SH3BP5: variants seen among roughly 807,000 people sequenced by gnomAD.
SH3BP5 encodes the protein SH3 domain-binding protein 5.
In SH3BP5, 22 loss-of-function variants were observed where a neutral mutation model predicts 43.3. The ratio of observed to expected loss-of-function variants is 0.51; its 90% CI spans 0.36 to 0.73. The LOEUF (loss-of-function observed/expected upper bound fraction) is 0.73, where lower values mean the gene tolerates loss of function less well. SH3BP5 is among the 30% of genes least tolerant of loss of function. The pLI, the probability that SH3BP5 is intolerant of heterozygous loss-of-function variation, is 0.00. For synonymous variants in SH3BP5, 255 were observed against 225.8 expected (o/e 1.13, Z -1.16); for missense variants, 529 against 586.9 (o/e 0.90, Z 1.02).
chr3:15,284,346 T>C (rs905226434), intron 3 of SH3BP5, among the ~76,000 whole-genome samples: 1 of 152,194 alleles, frequency 6.6e-6, no homozygotes, highest in Non-Finnish European at 1.5e-5. Context: ...CCTCTGCACA[T>C]GTATCCAGCA....
At position 15,327,474 on chromosome 3, in the gene SH3BP5, T is replaced by C. The variant is rs149195903; in HGVS notation, c.201+3030A>G. 2.0e-5 allele frequency among the ~76,000 whole-genome samples: 3 copies of C among 152,222 alleles called. No individual in the cohort carries two copies. The East Asian group carries it at 5.8e-4, about 29-fold the overall frequency. ...ATTTTCCTGCCCCCATCCTTGGGCA[T>C]ACTCCCCTTGACCACCCCAGTGGCT... On this transcript the variant is annotated intron_variant, in intron 2 of 8. Transcript: ENST00000383791.
chr3:15,294,942 C>T (rs1242762025), intron 3 of SH3BP5, among the ~76,000 whole-genome samples: 1 of 152,134 alleles, frequency 6.6e-6, no homozygotes, highest in African/African-American at 2.4e-5. Flanking sequence ...TACCCAAGTT[C>T]ATATCTGCAC....
At chr3:15,286,360 G>T in intron 3 of SH3BP5, among the ~76,000 whole-genome samples, 1 of 152,212 alleles carries the variant, frequency 6.6e-6, no homozygotes, top group East Asian at 1.9e-4. Context: ...ACCTGGTATT[G>T]CCAAGCAAAG....
At chr3:15,267,665 T>C (rs928004303) in intron 4 of SH3BP5, among the ~76,000 whole-genome samples, 2 of 152,142 alleles carry the variant, frequency 1.3e-5, no homozygotes, top group Non-Finnish European at 2.9e-5. Context: ...CCATCTTGTA[T>C]AGCCCCACAG....
upstream of SH3BP5, among the ~76,000 whole-genome samples, chr3:15,335,293 G>T (rs956732326): frequency 6.6e-6 from 1 of 151,998 alleles, no homozygotes; most frequent in Non-Finnish European, 1.5e-5. Flanking sequence ...CAGAAGAATC[G>T]CTTGAACCCA....
At position 15,332,459 on chromosome 3, in the gene SH3BP5, G is replaced by T. The variant is rs1377390029; in HGVS notation, c.-51C>A. ...CAGTGGGCTCCGGAGCGCCCCGGGGGTCGCGGCTGCCACAGGCTGGGCTGG... is the reference window on the plus strand; with the variant it reads ...CAGTGGGCTCCGGAGCGCCCCGGGGTTCGCGGCTGCCACAGGCTGGGCTGG... On this transcript the variant is annotated 5_prime_UTR_variant, in exon 1 of 9. Transcript: ENST00000383791. The T allele has an allele frequency of 6.8e-7, 1 of 1,461,338 alleles. No individual in the cohort carries two copies. The highest frequency in any genetic ancestry group is 1.5e-5 in the African/African-American group (1 of 68,478). 90.5% of individuals were successfully genotyped at this position (1,461,338 alleles called of 1,614,324 possible). A position where few individuals can be genotyped will look rare whatever the true frequency, so the allele number is the denominator to read the frequency against.
At position 15,332,521 on chromosome 3, in the gene SH3BP5, G is replaced by C; in HGVS notation, c.-113C>G. On this transcript the variant is annotated 5_prime_UTR_variant, in exon 1 of 9. Coordinates refer to ENST00000383791, the MANE Select transcript of SH3BP5 (RefSeq NM_004844.5). ...CACAGCCGGGCACGGTCGGGGAGCC[G>C]CCGGGGCCGACACCCGGGAGACGCA... The C allele has an allele frequency of 8.0e-7, 1 of 1,253,838 alleles. No homozygotes were observed. Among genetic ancestry groups the C allele is most frequent in the Non-Finnish European group, 1.0e-6 (1 of 1,002,586 alleles). The allele number at this position is 1,253,838 out of a possible 1,614,324, so 77.7% of individuals were successfully genotyped here.
intron 7 of SH3BP5, among the ~76,000 whole-genome samples, chr3:15,258,337 C>A (rs1559422954): frequency 1.3e-5 from 2 of 152,100 alleles, no homozygotes; most frequent in South Asian, 4.1e-4. Flanking sequence ...CCACCATTTG[C>A]TGAGTGCTTC....
intron 5 of SH3BP5, among the ~76,000 whole-genome samples, chr3:15,261,958 C>T (rs1378722059): frequency 2.6e-5 from 4 of 152,122 alleles, no homozygotes; most frequent in Non-Finnish European, 4.4e-5. Context: ...TAGAGCAGCC[C>T]ACCCCTTAGC....
At chr3:15,312,339 T>C (rs766545015) in intron 2 of SH3BP5, among the ~76,000 whole-genome samples, 8 of 152,236 alleles carry the variant, frequency 5.3e-5, no homozygotes, top group Admixed American at 3.3e-4. Flanking sequence ...AAATGTATTA[T>C]TTTTGTTAAC....
Position 15,318,973 on chromosome 3 carries a change from C to T in SH3BP5, c.201+11531G>A, listed in dbSNP as rs1327864322. On this transcript the variant is annotated intron_variant, in intron 2 of 8. Coordinates refer to ENST00000383791, the MANE Select transcript of SH3BP5 (RefSeq NM_004844.5). Reference sequence around the variant, plus strand: ...AATTTCTATCAAATAAATGCAATACCGGGACTCTCTTTCCCCAGAGAAGAC... The same window carrying T: ...AATTTCTATCAAATAAATGCAATACTGGGACTCTCTTTCCCCAGAGAAGAC... Among the ~76,000 whole-genome samples, 14 of 152,238 alleles carry T rather than the reference C, an allele frequency of 9.2e-5. No homozygotes were observed. In the South Asian group the frequency reaches 2.7e-3, roughly 29 times the overall value.
rs77965192 is a variant in SH3BP5, at chr3:15,303,778, G to A, written c.330+325C>T. Among the ~76,000 whole-genome samples the A allele has an allele frequency of 3.6e-3, 553 of 152,300 alleles. 4 individuals carry two copies. The highest frequency in any genetic ancestry group is 0.013 in the African/African-American group (532 of 41,568). On this transcript the variant is annotated intron_variant, in intron 3 of 8. Coordinates refer to ENST00000383791, the MANE Select transcript of SH3BP5 (RefSeq NM_004844.5). ...CTCCCAAGAGTGAGGCGAACGCGAG[G>A]CAGTAAGCGAATCTTCCTACTGCTG...
At chr3:15,272,559 A>AGATTTGATGATACCTCAGATCAAATTT (rs1559432626) in intron 3 of SH3BP5, among the ~76,000 whole-genome samples, 2 of 100,916 alleles carry the variant, frequency 2.0e-5, no homozygotes, top group African/African-American at 1.0e-4. Flanking sequence ...TGCCTGTAGG[A>AGATTTGATGATACCTCAGATCAAATTT]TAAAGACATT....
intron 2 of SH3BP5, among the ~76,000 whole-genome samples, chr3:15,323,436 G>A (rs926727750): frequency 4.6e-5 from 7 of 152,144 alleles, no homozygotes; most frequent in African/African-American, 9.7e-5. Context: ...AGCGCCCAGC[G>A]GGTCTCAGCC....
In SH3BP5 at chr3:15,261,702, A is replaced by G. The variant is rs1016074614; in HGVS notation, c.626+457T>C. The stretch of plus-strand genomic sequence containing the variant: ...GGCTGTAGTGAGAAGAGATTGGAGA[A>G]AAAAAAAAAAACTCTACTAAAGCCA... On this transcript the variant is annotated intron_variant, in intron 5 of 8. Coordinates refer to ENST00000383791, the MANE Select transcript of SH3BP5 (RefSeq NM_004844.5). 2.6e-4 allele frequency among the ~76,000 whole-genome samples: 21 copies of G among 80,776 alleles called. No homozygotes were observed. The African/African-American group carries it at 5.7e-3, about 22-fold the overall frequency. The allele number at this position is 80,776 out of a possible 152,430, so 53.0% of individuals were successfully genotyped here.
intron 3 of SH3BP5, among the ~76,000 whole-genome samples, chr3:15,272,757 G>A (rs1403830173): frequency 6.6e-6 from 1 of 152,126 alleles, no homozygotes; most frequent in Non-Finnish European, 1.5e-5. Context: ...TTTTAAAAAG[G>A]ACTCCAGTGA....
chr3:15,329,056 A>G (rs1373573494), intron 2 of SH3BP5, among the ~76,000 whole-genome samples: 1 of 152,126 alleles, frequency 6.6e-6, no homozygotes, highest in Non-Finnish European at 1.5e-5. Context: ...AAGCTGAGGA[A>G]TGAGAATCAC....
intron 3 of SH3BP5, among the ~76,000 whole-genome samples, chr3:15,302,235 G>T (rs1346778044): frequency 2.0e-5 from 3 of 152,136 alleles, no homozygotes; most frequent in African/African-American, 7.2e-5. Flanking sequence ...ACTTTGGAGG[G>T]GGAATGCCTC....
chr3:15,266,241 T>G (rs539551944), intron 4 of SH3BP5, among the ~76,000 whole-genome samples: 18 of 152,322 alleles, frequency 1.2e-4, no homozygotes, highest in African/African-American at 4.3e-4. Context: ...AGAAGGCGCT[T>G]CTTCCCACTG....
Sources: allele counts gnomAD v4.1 joint callset (sites outside exome capture counted in the v4.1 genomes callset), GRCh38; gene constraint gnomAD v4.1.1; transcripts MANE v1.5; gene names NCBI Gene and HGNC (gene_info 2026-07-23, HGNC 2026-07-21).